The following NT5C3A variants were observed in gnomAD, a reference collection of about 807,000 sequenced individuals.
NT5C3A encodes the protein cytosolic 5'-nucleotidase 3A.
Under a neutral mutation model 40.0 loss-of-function variants are expected in NT5C3A, and 23 were observed. The observed-to-expected ratio is 0.58, with a 90% CI of 0.41 to 0.81. NT5C3A has a LOEUF of 0.81. Among genes scored for constraint, NT5C3A ranks in the 40% least tolerant of loss-of-function variants. NT5C3A has a pLI of 0.00. For synonymous variants in NT5C3A, 130 were observed against 141.4 expected (o/e 0.92, Z 0.57); for missense variants, 328 against 403.0 (o/e 0.81, Z 1.59).
In NT5C3A at chr7:33,023,880, A is replaced by G. The variant is rs6955792; in HGVS notation, c.307+159T>C. 0.7 allele frequency: 420,030 copies of G among 601,210 alleles called. 147,848 individuals are homozygous for G. Among genetic ancestry groups the G allele is most frequent in the African/African-American group, 0.79 (42,145 of 53,662 alleles). The allele number at this position is 601,210 out of a possible 1,614,324, so 37.2% of individuals were successfully genotyped here. A position where few individuals can be genotyped will look rare whatever the true frequency, so the allele number is the denominator to read the frequency against. ...AAAATAACCATTTATATAATATGGG[A>G]AAAAAAACCTCAAAAATATAATAAG... is the stretch of plus-strand genomic sequence containing the variant. On this transcript the variant is annotated intron_variant, in intron 3 of 8. Coordinates refer to ENST00000610140, the MANE Select transcript of NT5C3A (RefSeq NM_001002010.5).
chr7:33,014,321 A>G lies in NT5C3A; in HGVS notation c.*409T>C, dbSNP rs139072453. 1,260 of 454,428 alleles carry G rather than the reference A, an allele frequency of 2.8e-3. 10 individuals carry two copies. Among genetic ancestry groups the G allele is most frequent in the African/African-American group, 0.014 (686 of 50,132 alleles). 28.1% of individuals were successfully genotyped at this position (454,428 alleles called of 1,614,324 possible). On this transcript the variant is annotated 3_prime_UTR_variant, in exon 9 of 9. Coordinates refer to ENST00000610140, the MANE Select transcript of NT5C3A (RefSeq NM_001002010.5). Reference sequence around the variant, plus strand: ...AAGAGATGGTGATACCATCAGCATAATAACCCAAATTACAAAAATGGCAAT... The same window carrying G: ...AAGAGATGGTGATACCATCAGCATAGTAACCCAAATTACAAAAATGGCAAT...
At chr7:33,021,705 C>T in intron 4 of NT5C3A, 1 of 397,312 alleles carries the variant, frequency 2.5e-6, no homozygotes, top group South Asian at 2.9e-5. Flanking sequence ...AAGCGAAGTA[C>T]TGAAGCAACT....
In NT5C3A at chr7:33,031,107, CA is replaced by C. The variant is rs11407650; in HGVS notation, c.139-4193del. 0.014 allele frequency among the ~76,000 whole-genome samples: 1,866 copies of C among 131,760 alleles called. 55 individuals are homozygous for C. The East Asian group carries it at 0.14, about 10-fold the overall frequency. 86.4% of individuals were successfully genotyped at this position (131,760 alleles called of 152,430 possible). A position where few individuals can be genotyped will look rare whatever the true frequency, so the allele number is the denominator to read the frequency against. On this transcript the variant is annotated intron_variant, in intron 1 of 8. Coordinates refer to ENST00000610140, the MANE Select transcript of NT5C3A (RefSeq NM_001002010.5). ...AGCGAGACTCTGCCTCAAAAAAAAA[CA>C]AAAAAAAAAAAAAAGAGAGAAGCTC...
At chr7:33,043,855 T>G (rs1192620788) in intron 1 of NT5C3A, among the ~76,000 whole-genome samples, 1 of 152,186 alleles carries the variant, frequency 6.6e-6, no homozygotes, top group Non-Finnish European at 1.5e-5. Flanking sequence ...TCTTGCTTTT[T>G]CAAAGTCCCA....
At chr7:33,019,225 T>C (rs1041456256) in intron 6 of NT5C3A, among the ~76,000 whole-genome samples, 1 of 151,416 alleles carries the variant, frequency 6.6e-6, no homozygotes, top group Admixed American at 6.6e-5. Context: ...CACTACACTC[T>C]AACCTGGGCA....
At chr7:33,025,167 AAAAT>A (rs1199829157) in intron 2 of NT5C3A, among the ~76,000 whole-genome samples, 1 of 152,104 alleles carries the variant, frequency 6.6e-6, no homozygotes, top group Non-Finnish European at 1.5e-5. Context: ...TAAATAAATA[AAAAT>A]AAATAAAAAT....
intron 3 of NT5C3A, chr7:33,023,783 A>C: frequency 2.2e-6 from 1 of 449,708 alleles, no homozygotes; most frequent in South Asian, 2.6e-5. Context: ...TTTCTTGAAT[A>C]ATGAATAGAC....
intron 5 of NT5C3A, among the ~76,000 whole-genome samples, chr7:33,020,093 T>C (rs1785542668): frequency 6.6e-6 from 1 of 152,164 alleles, no homozygotes; most frequent in Non-Finnish European, 1.5e-5. Context: ...TAAAATTTGT[T>C]TGTAGTTTGA....
At chr7:33,025,497 T>C (rs758452890) in intron 2 of NT5C3A, among the ~76,000 whole-genome samples, 2 of 152,184 alleles carry the variant, frequency 1.3e-5, no homozygotes, top group Non-Finnish European at 2.9e-5. Flanking sequence ...AGATTGTTGA[T>C]TTAATTTACA....
chr7:33,019,612 C>CA (rs761258137), intron 6 of NT5C3A, 23 bp downstream of exon 6: 11 of 1,402,930 alleles, frequency 7.8e-6, no homozygotes, highest in Non-Finnish European at 1.0e-6. Context: ...ACAATAACAG[C>CA]AAAAAACATC....
At chr7:33,039,761 C>CA (rs1344813545) in intron 1 of NT5C3A, among the ~76,000 whole-genome samples, 1 of 151,038 alleles carries the variant, frequency 6.6e-6, no homozygotes, top group African/African-American at 2.4e-5. Context: ...AGGCATAAAA[C>CA]AAAAATGAAA....
intron 1 of NT5C3A, among the ~76,000 whole-genome samples, chr7:33,059,086 G>T (rs1169074679): frequency 6.6e-6 from 1 of 152,126 alleles, no homozygotes; most frequent in Non-Finnish European, 1.5e-5. Flanking sequence ...ACTTGGCATT[G>T]CCAAGTTTTC....
rs551148223 is a variant in NT5C3A at position 33,021,479 on chromosome 7, G to C, written c.355-122C>G. On this transcript the variant is annotated intron_variant, in intron 4 of 8. Coordinates refer to ENST00000610140, the MANE Select transcript of NT5C3A (RefSeq NM_001002010.5). ...AAACTGCTTTAAAAGTTGAGCTAATGCATCAATTGAAAAAATATTTGTTGA... is the reference window on the plus strand; with the variant it reads ...AAACTGCTTTAAAAGTTGAGCTAATCCATCAATTGAAAAAATATTTGTTGA... The C allele has an allele frequency of 2.0e-4, 240 of 1,187,820 alleles. 6 individuals carry two copies. The South Asian group carries it at 3.8e-3, about 19-fold the overall frequency. 73.6% of individuals were successfully genotyped at this position (1,187,820 alleles called of 1,614,324 possible).
rs4720094 is a variant in NT5C3A, at chr7:33,032,564, C to T, written c.139-5649G>A. ...TTTCCCTCCTGGGCTCAGGTGATCC[C>T]CCCACCTCAGACTCTCAAGTAACTG... On this transcript the variant is annotated intron_variant, in intron 1 of 8. Coordinates refer to ENST00000610140, the MANE Select transcript of NT5C3A (RefSeq NM_001002010.5). 3.1e-3 allele frequency among the ~76,000 whole-genome samples: 464 copies of T among 150,142 alleles called. 9 individuals are homozygous for T. Among genetic ancestry groups the T allele is most frequent in the East Asian group, 0.03 (149 of 5,034 alleles).
At chr7:33,053,211 G>A (rs895865733) in intron 1 of NT5C3A, among the ~76,000 whole-genome samples, 2 of 152,102 alleles carry the variant, frequency 1.3e-5, no homozygotes, top group Admixed American at 1.3e-4. Context: ...TTTCGAGACA[G>A]AGTCTTGCTC....
rs760788561 is a variant in NT5C3A, at chr7:33,017,589, C to A, written c.543G>T (p.Glu181Asp). Reference protein sequence around the residue: ...ESDVMLKEGYENFFDKLQQHS... With the variant: ...ESDVMLKEGYDNFFDKLQQHS... ...GTTGTTGGAGCTTATCAAAGAAATT[C>A]TCATATCCTTCTCTGTAAGATGGAG... Residue 181 changes from glutamate to aspartate, a missense_variant, in exon 7 of 9, where the codon GAG (glutamate) becomes GAT (aspartate). Physicochemically the swap from Glu to Asp is conservative, Grantham distance 45 (BLOSUM62 2). Coordinates refer to ENST00000610140, the MANE Select transcript of NT5C3A (RefSeq NM_001002010.5). 17 of 1,613,186 alleles carry A rather than the reference C, an allele frequency of 1.1e-5. No homozygotes were observed. Among genetic ancestry groups the A allele is most frequent in the Non-Finnish European group, 1.4e-5 (17 of 1,179,292 alleles).
intron 1 of NT5C3A, among the ~76,000 whole-genome samples, chr7:33,032,714 C>T (rs1482828569): frequency 6.6e-6 from 1 of 151,708 alleles, no homozygotes; most frequent in African/African-American, 2.4e-5. Flanking sequence ...GCCTCAGCAT[C>T]CCAAAGTGTT....
chr7:33,056,473 C>CAAAAAAAAAAAA (rs70989927), intron 1 of NT5C3A, among the ~76,000 whole-genome samples: 9 of 43,720 alleles, frequency 2.1e-4, no homozygotes, highest in Admixed American at 4.5e-4. Context: ...CCGTCTCTAC[C>CAAAAAAAAAAAA]AAAAAAAAAA....
At chr7:33,049,188 T>C (rs1398048578) in intron 1 of NT5C3A, among the ~76,000 whole-genome samples, 1 of 152,174 alleles carries the variant, frequency 6.6e-6, no homozygotes, top group Admixed American at 6.5e-5. Flanking sequence ...ATATTCTTTA[T>C]TAATTATTAT....
Sources: gnomAD v4.1 joint callset for allele counts (sites outside exome capture counted in the v4.1 genomes callset) on GRCh38, gnomAD v4.1.1 for gene constraint, MANE v1.5 for transcripts, NCBI Gene and HGNC (gene_info 2026-07-23, HGNC 2026-07-21) for gene names.